NFATC2: variants seen among roughly 807,000 people sequenced by gnomAD.
NFATC2 encodes the protein nuclear factor of activated T cells 2, also known as nuclear factor of activated T-cells, cytoplasmic 2.
NFATC2 carries 22 observed loss-of-function variants against 87.3 expected under a neutral mutation model. That is an observed-to-expected ratio of 0.25 (90% confidence interval 0.18 to 0.36). The LOEUF (loss-of-function observed/expected upper bound fraction) is 0.36. NFATC2 is among the 10% of genes least tolerant of loss of function. The pLI, the probability that NFATC2 is intolerant of heterozygous loss-of-function variation, is 1.00. For synonymous variants in NFATC2, 565 were observed against 542.2 expected, an observed-to-expected ratio of 1.04 and a Z score of -0.58; for missense variants, 1,149 against 1,259.1, an observed-to-expected ratio of 0.91 and a Z score of 1.32.
At chr20:51,552,852 C>T (rs1568758952) in intron 1 of NFATC2, among the ~76,000 whole-genome samples, 1 of 152,014 alleles carries the variant, frequency 6.6e-6, no homozygotes, top group East Asian at 1.9e-4. Context: ...ATGTGCAGGA[C>T]GTGCAGGTTT....
At position 51,388,295 on chromosome 20, in the gene NFATC2, T is replaced by G. The variant is rs1162163379; in HGVS notation, c.*3201A>C. 2.0e-5 allele frequency: 3 copies of G among 152,200 alleles called. No individual in the cohort carries two copies. The highest frequency in any genetic ancestry group is 7.2e-5 in the African/African-American group (3 of 41,440). 9.4% of individuals were successfully genotyped at this position (152,200 alleles called of 1,614,324 possible). A position where few individuals can be genotyped will look rare whatever the true frequency, so the allele number is the denominator to read the frequency against. On this transcript the variant is annotated 3_prime_UTR_variant, in exon 11 of 11. Coordinates refer to ENST00000371564, the MANE Select transcript of NFATC2 (RefSeq NM_012340.5). ...GGGGGAGGATCTAGACACTTGATGA[T>G]TCTCAGTGACCAGATCCAGGCTCAG...
At chr20:51,392,483 G>T (rs1279272292) in intron 10 of NFATC2, among the ~76,000 whole-genome samples, 1 of 152,236 alleles carries the variant, frequency 6.6e-6, no homozygotes, top group East Asian at 1.9e-4. Flanking sequence ...CCTGCAAAAA[G>T]GTTCCCTAAA....
In NFATC2 at chr20:51,523,725, G is replaced by A. The variant is rs1482360491; in HGVS notation, c.516C>T (p.Ser172=). ...REPLCLSPAS[S]GSSASFISDT... is the part of the protein sequence containing the mutation. ...CAGAAATGAAGCTGGCAGAGGAGCCGCTGCTAGCGGGGCTCAAGCAAAGCG... is the reference window on the plus strand; with the variant it reads ...CAGAAATGAAGCTGGCAGAGGAGCCACTGCTAGCGGGGCTCAAGCAAAGCG... Residue 172 remains serine, a synonymous_variant, in exon 2 of 11, where the codon AGC becomes AGT. Transcript: ENST00000371564. This position sits in a 1 kb window ranked among gnomAD's most constrained non-coding sequence, Gnocchi z 6.9. The A allele has an allele frequency of 6.2e-7, 1 of 1,611,872 alleles. No individual in the cohort carries two copies. The highest frequency in any genetic ancestry group is 8.5e-7 in the Non-Finnish European group (1 of 1,178,738).
intron 3 of NFATC2, among the ~76,000 whole-genome samples, chr20:51,478,934 T>C (rs571338057): frequency 3.3e-5 from 5 of 152,222 alleles, no homozygotes; most frequent in African/African-American, 1.2e-4. Context: ...GATCTTCAGG[T>C]TTTTCCTGAA....
At chr20:51,393,070 G>A (rs1203059241) in intron 10 of NFATC2, among the ~76,000 whole-genome samples, 6 of 152,120 alleles carry the variant, frequency 3.9e-5, no homozygotes, top group Non-Finnish European at 8.8e-5. Flanking sequence ...AATAGCTGGT[G>A]GTTATGATGG....
At chr20:51,450,977 A>G (rs1268538324) in intron 6 of NFATC2, among the ~76,000 whole-genome samples, 3 of 152,244 alleles carry the variant, frequency 2.0e-5, no homozygotes, top group African/African-American at 7.2e-5. Context: ...AGAATAATTA[A>G]ACTCCCAGAG....
chr20:51,542,431 G>T lies in NFATC2; in HGVS notation c.69C>A (p.Ser23Arg). 1 of 1,601,016 alleles carries T rather than the reference G, an allele frequency of 6.2e-7. No homozygotes were observed. The highest frequency in any genetic ancestry group is 8.5e-7 in the Non-Finnish European group (1 of 1,174,374). Residue 23 changes from serine (S) to arginine (R), a missense_variant, in exon 1 of 11, where the codon AGC becomes AGA. By Grantham distance (110) the Ser-to-Arg change is moderately radical (BLOSUM62 -1). Around this residue, in one of 3 missense-constraint regions of NFATC2, gnomAD observed 563 missense variants for 585.2 expected, o/e 0.96. Coordinates refer to ENST00000371564, the MANE Select transcript of NFATC2 (RefSeq NM_012340.5). The stretch of plus-strand genomic sequence containing the variant: ...TGGAGAAGTCAAGCTCGTCTTGGGG[G>T]CTGCCCCCAGGCTCGTGGCCTGGGG... The part of the protein sequence containing the change: ...GDAPGHEPGG[S>R]PQDELDFSIL...
In NFATC2 at chr20:51,523,842, C is replaced by A. The variant is rs369099315; in HGVS notation, c.399G>T (p.Ala133=). 1 of 1,610,594 alleles carries A rather than the reference C, an allele frequency of 6.2e-7. No homozygotes were observed. Among genetic ancestry groups the A allele is most frequent in the East Asian group, 2.2e-5 (1 of 44,750 alleles). ...QAVGPLRMRD[A]GLLVEQPPLA... ...GGGGCGGCTGCTCCACCAGGAGGCC[C>A]GCGTCTCTCATGCGGAGGGGCCCCA... Residue 133 remains alanine, a synonymous_variant, in exon 2 of 11, where the codon GCG becomes GCT. Coordinates refer to ENST00000371564, the MANE Select transcript of NFATC2 (RefSeq NM_012340.5). The surrounding 1 kb of genome is among the most constrained non-coding windows in gnomAD (Gnocchi z 6.9).
intron 8 of NFATC2, among the ~76,000 whole-genome samples, chr20:51,433,591 C>T (rs1332711119): frequency 6.6e-6 from 1 of 152,182 alleles, no homozygotes; most frequent in Non-Finnish European, 1.5e-5. Flanking sequence ...TTTCTCCCTG[C>T]CCAGCACCAG....
chr20:51,419,992 T>C (rs8118404), intron 9 of NFATC2, among the ~76,000 whole-genome samples: 1,984 of 142,876 alleles, frequency 0.014, 35 homozygotes, highest in African/African-American at 0.047. Flanking sequence ...TATGCTTAAA[T>C]TCATGAGTTC....
rs190117243 is a variant in NFATC2, at chr20:51,459,827, C to T, written c.1709-5139G>A. 4.7e-4 allele frequency among the ~76,000 whole-genome samples: 72 copies of T among 151,972 alleles called. 1 individual carries two copies. Among genetic ancestry groups the T allele is most frequent in the African/African-American group, 1.5e-3 (62 of 41,446 alleles). On this transcript the variant is annotated intron_variant, in intron 5 of 10. Coordinates refer to ENST00000371564, the MANE Select transcript of NFATC2 (RefSeq NM_012340.5). ...CCAGGAGGCGGATGTTGCAGTGAGCCGAGATCACGCTACTACACTCCAGGC... is the reference window on the plus strand; with the variant it reads ...CCAGGAGGCGGATGTTGCAGTGAGCTGAGATCACGCTACTACACTCCAGGC...
intron 5 of NFATC2, among the ~76,000 whole-genome samples, chr20:51,472,387 C>T (rs760313858): frequency 1.2e-4 from 18 of 152,154 alleles, no homozygotes; most frequent in Non-Finnish European, 2.2e-4. Context: ...TATTCCCTGA[C>T]GTCTGCCACC....
intron 1 of NFATC2, among the ~76,000 whole-genome samples, chr20:51,555,194 G>A (rs1740127688): frequency 6.6e-6 from 1 of 152,130 alleles, no homozygotes. Context: ...CCCCTTAATG[G>A]GCAGTAAGAC....
At chr20:51,548,811 G>A (rs1003428682) in intron 1 of NFATC2, among the ~76,000 whole-genome samples, 1 of 152,224 alleles carries the variant, frequency 6.6e-6, no homozygotes, top group Non-Finnish European at 1.5e-5. Flanking sequence ...TGCACCACTA[G>A]GAGAACCCAA....
upstream of NFATC2, among the ~76,000 whole-genome samples, chr20:51,544,350 G>A (rs1057431713): frequency 3.3e-5 from 5 of 152,132 alleles, no homozygotes; most frequent in African/African-American, 1.2e-4. Context: ...GAGAAGATTA[G>A]ACGGGAGAGG....
chr20:51,546,188 A>G (rs1256126611), upstream of NFATC2, among the ~76,000 whole-genome samples: 1 of 152,174 alleles, frequency 6.6e-6, no homozygotes, highest in Non-Finnish European at 1.5e-5. Context: ...TGTCCCTCTG[A>G]ACAGTGGATA....
chr20:51,521,807 T>C (rs1351602122), intron 2 of NFATC2, among the ~76,000 whole-genome samples: 2 of 152,198 alleles, frequency 1.3e-5, no homozygotes, highest in Admixed American at 6.5e-5. Flanking sequence ...AAAATGAAGA[T>C]AAAAAATAAT....
intron 9 of NFATC2, among the ~76,000 whole-genome samples, chr20:51,427,645 C>T (rs1003446077): frequency 6.6e-6 from 1 of 152,208 alleles, no homozygotes; most frequent in South Asian, 2.1e-4. Context: ...TGAAAGCCTG[C>T]GGGAGCAAGC....
At chr20:51,423,197 G>A (rs1226228879) in intron 9 of NFATC2, among the ~76,000 whole-genome samples, 1 of 150,734 alleles carries the variant, frequency 6.6e-6, no homozygotes, top group East Asian at 1.9e-4. Flanking sequence ...GACTGAGGCA[G>A]GCAGATTGCT....
Sources: gnomAD v4.1 joint callset for allele counts (sites outside exome capture counted in the v4.1 genomes callset) on GRCh38, gnomAD v4.1.1 for gene constraint, gnomAD v4.1.1 regional missense constraint, Gnocchi (gnomAD v3.1) non-coding constraint, MANE v1.5 for transcripts, NCBI Gene and HGNC (gene_info 2026-07-23, HGNC 2026-07-21) for gene names.